HECTD2: variants seen among roughly 807,000 people sequenced by gnomAD.
HECTD2 encodes probable E3 ubiquitin-protein ligase HECTD2.
In HECTD2, 35 loss-of-function variants were observed where a neutral mutation model predicts 103.2. That is an observed-to-expected ratio of 0.34 (90% confidence interval 0.26 to 0.45). The LOEUF (loss-of-function observed/expected upper bound fraction) is 0.45, where lower values mean the gene tolerates loss of function less well. Ranked by LOEUF, HECTD2 falls within the 20% of genes least tolerant of loss-of-function variation. The pLI is 1.00. For missense variants in HECTD2, 596 were observed against 937.4 expected (o/e 0.64, Z 4.76); for synonymous variants, 281 against 329.9 (o/e 0.85, Z 1.61).
intron 5 of HECTD2, among the ~76,000 whole-genome samples, chr10:91,471,529 C>G (rs1310572713): frequency 6.6e-6 from 1 of 151,594 alleles, no homozygotes; most frequent in Admixed American, 6.6e-5. Context: ...GAAGTCAAAT[C>G]TTTGCAGATG....
intron 1 of HECTD2, among the ~76,000 whole-genome samples, chr10:91,421,587 T>G (rs969786023): frequency 3.9e-5 from 6 of 152,248 alleles, no homozygotes; most frequent in Non-Finnish European, 8.8e-5. Flanking sequence ...CTGGGCTGCA[T>G]GCACCCTGGG....
chr10:91,456,204 T>C lies in HECTD2; in HGVS notation c.269-4223T>C, dbSNP rs545922723. Among the ~76,000 whole-genome samples the C allele has an allele frequency of 1.1e-3, 169 of 152,342 alleles. 1 individual carries two copies. The highest frequency in any genetic ancestry group is 1.9e-3 in the Non-Finnish European group (129 of 68,036). The stretch of plus-strand genomic sequence containing the variant: ...TCACAATATTGATTCTTCCTATCCA[T>C]GAGCATGGAATGTTCTTCCATTTGT... On this transcript the variant is annotated intron_variant, in intron 2 of 20. Coordinates refer to ENST00000298068, the MANE Select transcript of HECTD2 (RefSeq NM_182765.6).
At chr10:91,432,583 T>A (rs543331551) in intron 2 of HECTD2, among the ~76,000 whole-genome samples, 5 of 151,938 alleles carry the variant, frequency 3.3e-5, no homozygotes, top group Non-Finnish European at 7.4e-5. Context: ...TCTAAAGTTA[T>A]GATGCCCCTT....
chr10:91,480,750 G>T (rs1311626654), intron 6 of HECTD2, among the ~76,000 whole-genome samples: 1 of 151,894 alleles, frequency 6.6e-6, no homozygotes, highest in Non-Finnish European at 1.5e-5. Context: ...ATACATAAAT[G>T]TTCTTAAGTA....
At position 91,496,355 on chromosome 10, in the gene HECTD2, T is replaced by C. The variant is rs1335792446; in HGVS notation, c.1663T>C (p.Leu555=). 6.2e-7 allele frequency: 1 copy of C among 1,608,824 alleles called. No individual in the cohort carries two copies. The highest frequency in any genetic ancestry group is 1.3e-5 in the African/African-American group (1 of 74,800). Residue 555 remains leucine (L), a synonymous_variant, in exon 15 of 21, where the codon TTA becomes CTA. Transcript: ENST00000298068. ...CATCTGCAATGTTACCGTGGACGAC[T>C]TATGTCAAATTATGCCTGTAAGTAT... ...VGICNVTVDD[L]CQIMPELAHG... is the part of the protein sequence containing the mutation.
At chr10:91,494,447 G>A (rs538221245) in intron 14 of HECTD2, among the ~76,000 whole-genome samples, 30 of 152,092 alleles carry the variant, frequency 2.0e-4, no homozygotes, top group African/African-American at 6.7e-4. Context: ...AGCAGCAAGC[G>A]CACTGAAAGT....
intron 7 of HECTD2, among the ~76,000 whole-genome samples, chr10:91,482,654 AATATCATTCCC>A (rs1259221918): frequency 6.6e-6 from 1 of 151,976 alleles, no homozygotes; most frequent in East Asian, 1.9e-4. Flanking sequence ...TAAGATAGAG[AATATCATTCCC>A]ATTTTACAGA....
chr10:91,409,663 C>T (rs577259268), upstream of HECTD2, among the ~76,000 whole-genome samples: 4 of 152,304 alleles, frequency 2.6e-5, no homozygotes, highest in Non-Finnish European at 4.4e-5. Context: ...CAGGCTTTTC[C>T]TGTGTAGGCT....
In HECTD2 at chr10:91,410,491, C is replaced by G. The variant is rs781238223; in HGVS notation, c.53C>G (p.Ala18Gly). The change falls in exon 1 of 21, where the codon GCG becomes GGG. Residue 18 changes from alanine (A) to glycine (G), a missense_variant. Coordinates refer to ENST00000298068, the MANE Select transcript of HECTD2 (RefSeq NM_182765.6). ...PSPATPLVVA[A>G]PAPEERKGKE... ...CCCGCCACTCCGCTGGTGGTGGCGG[C>G]GCCCGCGCCTGAGGAGAGGAAAGGG... 6.8e-7 allele frequency: 1 copy of G among 1,465,802 alleles called. No homozygotes were observed. Among genetic ancestry groups the G allele is most frequent in the South Asian group, 1.3e-5 (1 of 76,922 alleles). The allele number at this position is 1,465,802 out of a possible 1,614,324, so 90.8% of individuals were successfully genotyped here. A position where few individuals can be genotyped will look rare whatever the true frequency, so the allele number is the denominator to read the frequency against.
At chr10:91,489,936 CAA>C (rs954582138) in intron 11 of HECTD2, 3 of 151,248 alleles carry the variant, frequency 2.0e-5, no homozygotes, top group Non-Finnish European at 4.4e-5. Flanking sequence ...TCATTGTTAC[CAA>C]AAAAAGATAT....
intron 5 of HECTD2, among the ~76,000 whole-genome samples, chr10:91,472,835 A>C (rs967284536): frequency 6.6e-6 from 1 of 152,188 alleles, no homozygotes; most frequent in Non-Finnish European, 1.5e-5. Flanking sequence ...ATACCAAATA[A>C]ATTTTTAGAA....
chr10:91,477,244 CATAGCTAGGAAT>C (rs1845942390), intron 5 of HECTD2, among the ~76,000 whole-genome samples: 1 of 151,106 alleles, frequency 6.6e-6, no homozygotes, highest in African/African-American at 2.4e-5. Context: ...GTAGCAAGGT[CATAGCTAGGAAT>C]GATGCTGGGA....
intron 5 of HECTD2, among the ~76,000 whole-genome samples, chr10:91,471,863 A>G (rs1188837265): frequency 6.6e-6 from 1 of 152,232 alleles, no homozygotes; most frequent in African/African-American, 2.4e-5. Flanking sequence ...AAGAATCAAT[A>G]TCATTAAAGT....
intron 20 of HECTD2, 24 bp from the exon 21 acceptor site, chr10:91,512,240 T>C (rs754229353): frequency 6.4e-7 from 1 of 1,556,556 alleles, no homozygotes; most frequent in South Asian, 1.2e-5. Context: ...AGACTTAGTA[T>C]TTTTTTTTAA....
At chr10:91,450,289 T>C (rs183159578) in intron 2 of HECTD2, among the ~76,000 whole-genome samples, 92 of 152,294 alleles carry the variant, frequency 6.0e-4, no homozygotes, top group Non-Finnish European at 1.3e-4. Flanking sequence ...ATTCCCTATT[T>C]AATAAATGGT....
intron 1 of HECTD2, among the ~76,000 whole-genome samples, chr10:91,415,694 A>G (rs997663676): frequency 1.8e-4 from 28 of 152,354 alleles, no homozygotes; most frequent in African/African-American, 6.7e-4. Flanking sequence ...AATAGGGACC[A>G]TGTGGTACAA....
intron 2 of HECTD2, among the ~76,000 whole-genome samples, chr10:91,438,973 A>G (rs1388093567): frequency 6.6e-6 from 1 of 152,144 alleles, no homozygotes; most frequent in East Asian, 1.9e-4. Flanking sequence ...GATTTTGGAT[A>G]TTAGCCCTTT....
At chr10:91,459,982 T>G (rs1845274076) in intron 2 of HECTD2, among the ~76,000 whole-genome samples, 1 of 152,110 alleles carries the variant, frequency 6.6e-6, no homozygotes, top group African/African-American at 2.4e-5. Context: ...GTCCACACAG[T>G]GACAAAATTG....
At chr10:91,440,341 G>GT (rs1186341853) in intron 2 of HECTD2, among the ~76,000 whole-genome samples, 1 of 152,136 alleles carries the variant, frequency 6.6e-6, no homozygotes, top group Non-Finnish European at 1.5e-5. Context: ...AAATTGTGTG[G>GT]TTTTTGTCAT....
Sources: allele counts gnomAD v4.1 joint callset (sites outside exome capture counted in the v4.1 genomes callset), GRCh38; gene constraint gnomAD v4.1.1; transcripts MANE v1.5; gene names NCBI Gene and HGNC (gene_info 2026-07-23, HGNC 2026-07-21).